Variants in GMDS observed in about 807,000 individuals in gnomAD.
GMDS encodes GDP-mannose 4,6 dehydratase.
Under a neutral mutation model 49.9 loss-of-function variants are expected in GMDS, and 20 were observed. The observed-to-expected ratio is 0.40, with a 90% CI of 0.28 to 0.58. The LOEUF (loss-of-function observed/expected upper bound fraction) is 0.58. Ranked by LOEUF, GMDS falls within the 20% of genes least tolerant of loss-of-function variation. The pLI, the probability that GMDS is intolerant of heterozygous loss-of-function variation, is 0.42. For synonymous variants in GMDS, 177 were observed against 178.6 expected (o/e 0.99, Z 0.07); for missense variants, 362 against 481.4 (o/e 0.75, Z 2.32).
intron 7 of GMDS, among the ~76,000 whole-genome samples, chr6:1,922,380 C>T (rs998051010): frequency 6.6e-6 from 1 of 152,168 alleles, no homozygotes; most frequent in Non-Finnish European, 1.5e-5. Flanking sequence ...GATACTACTG[C>T]TATATGCTAC....
At chr6:1,893,763 G>C (rs761679859) in intron 7 of GMDS, among the ~76,000 whole-genome samples, 10 of 152,190 alleles carry the variant, frequency 6.6e-5, no homozygotes, top group Non-Finnish European at 1.3e-4. Context: ...TTATTCAGAG[G>C]GGGTGGAGGT....
chr6:1,885,061 C>G (rs922447820), intron 7 of GMDS, among the ~76,000 whole-genome samples: 1 of 152,176 alleles, frequency 6.6e-6, no homozygotes, highest in African/African-American at 2.4e-5. Context: ...TGGCACCTCT[C>G]CTCTGAGATG....
At chr6:2,170,863 C>T (rs1241292741) in intron 1 of GMDS, among the ~76,000 whole-genome samples, 2 of 151,548 alleles carry the variant, frequency 1.3e-5, no homozygotes, top group Non-Finnish European at 1.5e-5. Flanking sequence ...GGTGCAGTGG[C>T]GGGCGCCTGT....
intron 7 of GMDS, among the ~76,000 whole-genome samples, chr6:1,888,102 C>A (rs112226550): frequency 0.016 from 2,464 of 151,096 alleles, 66 homozygotes; most frequent in African/African-American, 0.056. Context: ...GGATGTGCCA[C>A]CATTCCTGGC....
At chr6:1,826,059 C>T (rs1581227372) in intron 7 of GMDS, among the ~76,000 whole-genome samples, 1 of 152,090 alleles carries the variant, frequency 6.6e-6, no homozygotes, top group East Asian at 1.9e-4. Flanking sequence ...TACAGGCACT[C>T]ACCATGAAGG....
Position 2,174,472 on chromosome 6 carries a change from A to G in GMDS, c.103-49741T>C, listed in dbSNP as rs150191404. On this transcript the variant is annotated intron_variant, in intron 1 of 10. Transcript: ENST00000380815. ...ACCATGCTAAATTTTTTAAAACTTT[A>G]TTTTTTCATCTTAAGTATTGTTGAG... Among the ~76,000 whole-genome samples, 442 of 152,220 alleles carry G rather than the reference A, an allele frequency of 2.9e-3. 1 individual carries two copies. The highest frequency in any genetic ancestry group is 4.2e-3 in the Non-Finnish European group (289 of 68,006).
chr6:1,757,461 G>A (rs1767991370), intron 7 of GMDS, among the ~76,000 whole-genome samples: 2 of 152,174 alleles, frequency 1.3e-5, no homozygotes, highest in African/African-American at 4.8e-5. Flanking sequence ...GGGCATGCAG[G>A]AGGAAGTTTC....
chr6:1,640,437 C>T lies in GMDS; in HGVS notation c.988-15897G>A, dbSNP rs1447119124. Among the ~76,000 whole-genome samples the T allele has an allele frequency of 6.6e-6, 1 of 152,118 alleles. No individual in the cohort carries two copies. The highest frequency in any genetic ancestry group is 1.5e-5 in the Non-Finnish European group (1 of 68,020). On this transcript the variant is annotated intron_variant, in intron 9 of 10. Transcript: ENST00000380815. This position sits in a 1 kb window ranked among gnomAD's most constrained non-coding sequence, Gnocchi z 4.0. ...CGGGGTAAGGCCTTCCACGTATGCTCGCTCTCCTCCTGCCTCAGGTCCCTC... is the reference window on the plus strand; with the variant it reads ...CGGGGTAAGGCCTTCCACGTATGCTTGCTCTCCTCCTGCCTCAGGTCCCTC...
chr6:1,805,602 G>A (rs1770142282), intron 7 of GMDS, among the ~76,000 whole-genome samples: 1 of 152,180 alleles, frequency 6.6e-6, no homozygotes, highest in Non-Finnish European at 1.5e-5. Flanking sequence ...AAGCAGTTAA[G>A]AGAACTCAAC....
chr6:1,985,852 G>T (rs1267770955), intron 4 of GMDS, among the ~76,000 whole-genome samples: 2 of 152,202 alleles, frequency 1.3e-5, no homozygotes, highest in Non-Finnish European at 2.9e-5. Flanking sequence ...GAACTGAAAG[G>T]TGGCAGAAGT....
rs189196435 is a variant in GMDS, at chr6:1,812,108, G to A, written c.772-69522C>T. 8.5e-5 allele frequency among the ~76,000 whole-genome samples: 13 copies of A among 152,302 alleles called. No homozygotes were observed. In the East Asian group the frequency reaches 1.9e-3, roughly 23 times the overall value. On this transcript the variant is annotated intron_variant, in intron 7 of 10. Coordinates refer to ENST00000380815, the MANE Select transcript of GMDS (RefSeq NM_001500.4). ...TAGTGCTATAGAAGTACCGCAGAGA[G>A]AGGAATTCGTTTTGAATGGTGTAAA...
intron 9 of GMDS, among the ~76,000 whole-genome samples, chr6:1,691,990 T>TG (rs999874334): frequency 1.3e-5 from 2 of 152,172 alleles, no homozygotes; most frequent in African/African-American, 4.8e-5. Flanking sequence ...GTCCGTGGAC[T>TG]GGGAGAAGCA....
chr6:1,770,435 C>T (rs757426877), intron 7 of GMDS, among the ~76,000 whole-genome samples: 5 of 152,192 alleles, frequency 3.3e-5, no homozygotes, highest in Non-Finnish European at 7.3e-5. Flanking sequence ...GTTGTGGCAG[C>T]GGAGAATCTG....
At chr6:1,818,224 C>T (rs1248129887) in intron 7 of GMDS, among the ~76,000 whole-genome samples, 2 of 151,938 alleles carry the variant, frequency 1.3e-5, no homozygotes, top group African/African-American at 2.4e-5. Flanking sequence ...ATGTGTTAGC[C>T]AAGATAAGAC....
intron 1 of GMDS, among the ~76,000 whole-genome samples, chr6:2,178,745 T>C (rs893522011): frequency 6.6e-6 from 1 of 152,216 alleles, no homozygotes; most frequent in Non-Finnish European, 1.5e-5. Flanking sequence ...TCAAGAAACA[T>C]AGCTGGCATT....
At chr6:2,036,023 C>T (rs1241851190) in intron 4 of GMDS, among the ~76,000 whole-genome samples, 2 of 152,146 alleles carry the variant, frequency 1.3e-5, no homozygotes, top group Non-Finnish European at 2.9e-5. Context: ...CAAGTAATCT[C>T]ATGTCGCAGG....
At chr6:1,666,713 G>C (rs143386919) in intron 9 of GMDS, among the ~76,000 whole-genome samples, 6 of 152,330 alleles carry the variant, frequency 3.9e-5, no homozygotes, top group Admixed American at 3.9e-4. Flanking sequence ...GAGGTGTTGC[G>C]TAGTAGGCTT....
chr6:1,761,257 T>A (rs1768143581), intron 7 of GMDS, among the ~76,000 whole-genome samples: 1 of 152,138 alleles, frequency 6.6e-6, no homozygotes, highest in Non-Finnish European at 1.5e-5. Flanking sequence ...TAATTCTAGA[T>A]GAAATCTGGA....
chr6:1,848,442 A>T (rs1757512470), intron 7 of GMDS, among the ~76,000 whole-genome samples: 1 of 152,186 alleles, frequency 6.6e-6, no homozygotes, highest in Non-Finnish European at 1.5e-5. Context: ...TAAAGCAAAA[A>T]GCACTTTATC....
Sources: gnomAD v4.1 joint callset for allele counts (sites outside exome capture counted in the v4.1 genomes callset) on GRCh38, gnomAD v4.1.1 for gene constraint, Gnocchi (gnomAD v3.1) non-coding constraint, MANE v1.5 for transcripts, NCBI Gene and HGNC (gene_info 2026-07-23, HGNC 2026-07-21) for gene names.